The following SNTG1 variants were observed in gnomAD, a reference collection of about 807,000 sequenced individuals.
SNTG1 encodes gamma-1-syntrophin.
In SNTG1, 39 loss-of-function variants were observed where a neutral mutation model predicts 74.7. The ratio of observed to expected loss-of-function variants is 0.52; its 90% CI spans 0.40 to 0.68. SNTG1 has a LOEUF of 0.68. Among genes scored for constraint, SNTG1 ranks in the 30% least tolerant of loss-of-function variants. The probability of loss-of-function intolerance (pLI) is 0.00; values close to 1 mark genes in which losing one functional copy is unlikely to be tolerated. For missense variants in SNTG1, 685 were observed against 609.5 expected (o/e 1.12, Z -1.30); for synonymous variants, 254 against 217.1 (o/e 1.17, Z -1.49).
chr8:50,120,705 A>T (rs537148126), intron 1 of SNTG1, among the ~76,000 whole-genome samples: 2 of 142,534 alleles, frequency 1.4e-5, no homozygotes, highest in East Asian at 4.0e-4. Flanking sequence ...TATTGCAATG[A>T]GGTTTCTTCT....
chr8:49,982,225 G>T (rs1454684491), intron 1 of SNTG1, among the ~76,000 whole-genome samples: 1 of 151,922 alleles, frequency 6.6e-6, no homozygotes, highest in African/African-American at 2.4e-5. Context: ...AATATGTATG[G>T]GCACATAAAA....
At chr8:50,349,411 GCACA>G (rs2091578847) in intron 2 of SNTG1, among the ~76,000 whole-genome samples, 1 of 151,978 alleles carries the variant, frequency 6.6e-6, no homozygotes, top group Non-Finnish European at 1.5e-5. Context: ...GGGTACATGT[GCACA>G]ATGTGCAGGT....
intron 1 of SNTG1, chr8:49,914,932 A>C (rs1461042862): frequency 6.6e-6 from 1 of 152,202 alleles, no homozygotes; most frequent in African/African-American, 2.4e-5. Context: ...ATAGAATTCA[A>C]ATGGAGAGAG....
chr8:49,931,049 A>G (rs988003415), intron 1 of SNTG1, among the ~76,000 whole-genome samples: 3 of 152,320 alleles, frequency 2.0e-5, no homozygotes, highest in East Asian at 1.9e-4. Flanking sequence ...AGACTTTGCA[A>G]TTCCCCAAAG....
intron 1 of SNTG1, among the ~76,000 whole-genome samples, chr8:50,141,497 G>T (rs1379765305): frequency 3.3e-5 from 5 of 152,220 alleles, no homozygotes; most frequent in African/African-American, 7.2e-5. Context: ...CTAAACGCTT[G>T]CAATGAGAGA....
chr8:50,652,439 C>T (rs751038322), intron 13 of SNTG1, among the ~76,000 whole-genome samples: 2 of 152,054 alleles, frequency 1.3e-5, no homozygotes, highest in African/African-American at 2.4e-5. Context: ...ACTTGTTCTA[C>T]AATTATCAGT....
chr8:50,280,061 C>A (rs1023841289), intron 2 of SNTG1, among the ~76,000 whole-genome samples: 1 of 152,122 alleles, frequency 6.6e-6, no homozygotes, highest in Non-Finnish European at 1.5e-5. Context: ...ATAGTTTGTT[C>A]CAAATTATTT....
Position 50,546,651 on chromosome 8 carries a change from T to TG in SNTG1, c.681-6397dup, listed in dbSNP as rs779375868. ...TGCGGTGTTTGGATTTTTGTCCTTG[T>TG]GGTAGTTTGCTGAGAATGATGGTTT... On this transcript the variant is annotated intron_variant, in intron 11 of 18. Transcript: ENST00000642720. Among the ~76,000 whole-genome samples, 10 of 151,934 alleles carry TG rather than the reference T, an allele frequency of 6.6e-5. No homozygotes were observed. The East Asian group carries it at 2.0e-3, about 30-fold the overall frequency.
At chr8:50,561,283 C>G (rs966878650) in intron 12 of SNTG1, among the ~76,000 whole-genome samples, 8 of 152,132 alleles carry the variant, frequency 5.3e-5, no homozygotes, top group African/African-American at 1.7e-4. Context: ...TTCCTGAGGC[C>G]TCCCCAGCCA....
chr8:50,750,692 C>T (rs981839052), intron 17 of SNTG1, among the ~76,000 whole-genome samples: 1 of 151,944 alleles, frequency 6.6e-6, no homozygotes, highest in Admixed American at 6.6e-5. Flanking sequence ...TGACCCCTGG[C>T]ATTTTTTAGT....
At chr8:50,196,923 A>C (rs749316401) in intron 2 of SNTG1, among the ~76,000 whole-genome samples, 9 of 152,104 alleles carry the variant, frequency 5.9e-5, no homozygotes, top group Non-Finnish European at 1.3e-4. Flanking sequence ...TGGAAGTTGC[A>C]GTGAGCTGAG....
intron 1 of SNTG1, among the ~76,000 whole-genome samples, chr8:50,022,975 CAAAA>C (rs907130200): frequency 6.6e-6 from 1 of 151,868 alleles, no homozygotes; most frequent in African/African-American, 2.4e-5. Context: ...CAAACAAAAA[CAAAA>C]ACAAAAAATG....
chr8:50,414,854 A>G (rs921522052), intron 4 of SNTG1, among the ~76,000 whole-genome samples: 1 of 151,898 alleles, frequency 6.6e-6, no homozygotes, highest in Non-Finnish European at 1.5e-5. Context: ...AACCTGTGTG[A>G]CTTCTTGCTT....
intron 1 of SNTG1, among the ~76,000 whole-genome samples, chr8:49,937,965 T>G (rs1808238001): frequency 6.6e-6 from 1 of 152,040 alleles, no homozygotes; most frequent in African/African-American, 2.4e-5. Context: ...CCCTCCCTTC[T>G]TTTCTTTATC....
chr8:50,064,497 A>G (rs978435076), intron 1 of SNTG1, among the ~76,000 whole-genome samples: 2 of 152,112 alleles, frequency 1.3e-5, no homozygotes. Context: ...TTGCACTTCC[A>G]CCACACCACA....
intron 2 of SNTG1, among the ~76,000 whole-genome samples, chr8:50,258,272 A>G (rs1435761182): frequency 1.3e-5 from 2 of 152,230 alleles, no homozygotes; most frequent in East Asian, 3.8e-4. Flanking sequence ...AACACTATGA[A>G]ATGTGAGAGT....
intron 9 of SNTG1, among the ~76,000 whole-genome samples, chr8:50,522,946 T>C (rs970178149): frequency 3.9e-5 from 6 of 152,158 alleles, no homozygotes; most frequent in Non-Finnish European, 8.8e-5. Context: ...AATGGATACA[T>C]CAAAAATCTG....
chr8:50,203,912 A>G (rs10093604), intron 2 of SNTG1, among the ~76,000 whole-genome samples: 59,479 of 151,892 alleles, frequency 0.39, 14,252 homozygotes, highest in African/African-American at 0.69. Flanking sequence ...TTTTGTAGCA[A>G]ATCTATATTT....
chr8:50,476,658 T>C (rs1283668659), intron 8 of SNTG1, among the ~76,000 whole-genome samples: 1 of 152,182 alleles, frequency 6.6e-6, no homozygotes, highest in Non-Finnish European at 1.5e-5. Context: ...TATACACTTA[T>C]GTAAATAAAC....
Sources: gnomAD v4.1 joint callset for allele counts (sites outside exome capture counted in the v4.1 genomes callset) on GRCh38, gnomAD v4.1.1 for gene constraint, MANE v1.5 for transcripts, NCBI Gene and HGNC (gene_info 2026-07-23, HGNC 2026-07-21) for gene names.